The following PHACTR2 variants were observed in gnomAD, a reference collection of about 807,000 sequenced individuals.
The protein encoded by PHACTR2 is chromosome 6 open reading frame 56.
Under a neutral mutation model 76.0 loss-of-function variants are expected in PHACTR2, and 30 were observed. The observed-to-expected ratio is 0.39, with a 90% confidence interval of 0.30 to 0.54. The LOEUF is 0.54. Among genes scored for constraint, PHACTR2 ranks in the 20% least tolerant of loss-of-function variants. The probability of loss-of-function intolerance (pLI) is 0.61; values close to 1 mark genes in which losing one functional copy is unlikely to be tolerated. For missense variants in PHACTR2, 696 were observed against 781.1 expected (o/e 0.89, Z 1.30); for synonymous variants, 292 against 292.5 (o/e 1.00, Z 0.02).
rs1018489349 is a variant in PHACTR2, at chr6:143,684,379, T to C, written c.46+6170T>C. 7.2e-5 allele frequency among the ~76,000 whole-genome samples: 11 copies of C among 152,150 alleles called. No homozygotes were observed. Among genetic ancestry groups the C allele is most frequent in the African/African-American group, 2.7e-4 (11 of 41,418 alleles). ...GTTTTCCTTTCCCCCTCCACATGGA[T>C]CCATCAGCAGGTCTTGTTCTTTTTT... On this transcript the variant is annotated intron_variant, in intron 1 of 12. Transcript: ENST00000440869. This position sits in a 1 kb window ranked among gnomAD's most constrained non-coding sequence, Gnocchi z 4.3.
intron 1 of PHACTR2, among the ~76,000 whole-genome samples, chr6:143,632,021 C>A (rs562478820): frequency 6.6e-6 from 1 of 152,278 alleles, no homozygotes; most frequent in East Asian, 1.9e-4. Flanking sequence ...TGTTATGGAT[C>A]AGCCCTTGGA....
chr6:143,631,381 A>T (rs572483064), intron 1 of PHACTR2, among the ~76,000 whole-genome samples: 14 of 151,930 alleles, frequency 9.2e-5, no homozygotes, highest in Non-Finnish European at 2.1e-4. Context: ...TTTTTTAGAG[A>T]TAGGGTCTCA....
intron 1 of PHACTR2, among the ~76,000 whole-genome samples, chr6:143,564,214 T>TAC (rs1399879002): frequency 8.9e-6 from 1 of 112,356 alleles, no homozygotes; most frequent in Non-Finnish European, 1.9e-5. Flanking sequence ...TATATATATA[T>TAC]ATATATATAT....
In PHACTR2 at chr6:143,639,644, C is replaced by T. The variant is rs973405288; in HGVS notation, c.13+31322C>T. Among the ~76,000 whole-genome samples the T allele has an allele frequency of 6.6e-6, 1 of 151,916 alleles. No homozygotes were observed. Among genetic ancestry groups the T allele is most frequent in the Admixed American group, 6.6e-5 (1 of 15,240 alleles). On this transcript the variant is annotated intron_variant, in intron 1 of 11. Coordinates refer to the PHACTR2 transcript ENST00000305766. This position sits in a 1 kb window ranked among gnomAD's most constrained non-coding sequence, Gnocchi z 5.0. The stretch of plus-strand genomic sequence containing the variant: ...TCCCTTTGATGATGGATTAGCATAC[C>T]CCATCATGAGTAAGGATAGCGATGG...
chr6:143,682,284 G>T (rs1777408327), intron 1 of PHACTR2, among the ~76,000 whole-genome samples: 1 of 152,074 alleles, frequency 6.6e-6, no homozygotes, highest in South Asian at 2.1e-4. Context: ...TGCGATCATG[G>T]CTTATCCACT....
Position 143,548,888 on chromosome 6 carries a change from T to C in PHACTR2, c.217+11681T>C, listed in dbSNP as rs1775045908. Among the ~76,000 whole-genome samples the C allele has an allele frequency of 6.6e-6, 1 of 151,324 alleles. No individual in the cohort carries two copies. The highest frequency in any genetic ancestry group is 2.4e-5 in the African/African-American group (1 of 41,146). On this transcript the variant is annotated intron_variant, in intron 1 of 11. Coordinates refer to the PHACTR2 transcript ENST00000367584. The surrounding 1 kb of genome is among the most constrained non-coding windows in gnomAD (Gnocchi z 4.5). ...TCATTGCACCATAGGTGTTTTAGAG[T>C]TGTGGGGGAAACAAGCAAGAATGAG...
chr6:143,768,075 A>G (rs1774987743), intron 6 of PHACTR2, among the ~76,000 whole-genome samples: 1 of 152,132 alleles, frequency 6.6e-6, no homozygotes, highest in South Asian at 2.1e-4. Flanking sequence ...TGACCTTGTG[A>G]TCCGCCTGCC....
intron 1 of PHACTR2, among the ~76,000 whole-genome samples, chr6:143,630,538 T>C (rs1409821139): frequency 6.6e-6 from 1 of 152,204 alleles, no homozygotes; most frequent in African/African-American, 2.4e-5. Context: ...TAATCCTTCA[T>C]AGGGTCGTTG....
chr6:143,634,011 G>C (rs1184276631), intron 1 of PHACTR2, among the ~76,000 whole-genome samples: 1 of 152,112 alleles, frequency 6.6e-6, no homozygotes, highest in Non-Finnish European at 1.5e-5. Context: ...CAAAATACTA[G>C]TCAGTGCAGG....
rs1480238589 is a variant in PHACTR2, at chr6:143,739,011, T to G, written c.215-9974T>G. Among the ~76,000 whole-genome samples the G allele has an allele frequency of 6.6e-6, 1 of 152,206 alleles. No homozygotes were observed. Among genetic ancestry groups the G allele is most frequent in the Non-Finnish European group, 1.5e-5 (1 of 68,042 alleles). On this transcript the variant is annotated intron_variant, in intron 2 of 12. Transcript: ENST00000440869. The surrounding 1 kb of genome is among the most constrained non-coding windows in gnomAD (Gnocchi z 4.3). Reference sequence around the variant, plus strand: ...CCAATGGCTATTGTTTATGATCTCTTAGTTTGAAAAGCTTCATTACCATTT... The same window carrying G: ...CCAATGGCTATTGTTTATGATCTCTGAGTTTGAAAAGCTTCATTACCATTT...
rs940078179 is a variant in PHACTR2 at position 143,627,633 on chromosome 6, G to A, written c.13+19311G>A. On this transcript the variant is annotated intron_variant, in intron 1 of 11. Coordinates refer to the PHACTR2 transcript ENST00000305766. This position sits in a 1 kb window ranked among gnomAD's most constrained non-coding sequence, Gnocchi z 4.3. ...TTTTTTTTTTTTGAGAAGAAGTCTC[G>A]CTCTGTCACCCAGGCTGGAATGCAG... is the stretch of plus-strand genomic sequence containing the variant. Among the ~76,000 whole-genome samples, 3 of 141,404 alleles carry A rather than the reference G, an allele frequency of 2.1e-5. No homozygotes were observed. Among genetic ancestry groups the A allele is most frequent in the Admixed American group, 1.5e-4 (2 of 13,640 alleles). The allele number at this position is 141,404 out of a possible 152,430, so 92.8% of individuals were successfully genotyped here. A position where few individuals can be genotyped will look rare whatever the true frequency, so the allele number is the denominator to read the frequency against.
chr6:143,685,625 A>T (rs1283022734), intron 1 of PHACTR2, among the ~76,000 whole-genome samples: 1 of 151,426 alleles, frequency 6.6e-6, no homozygotes, highest in African/African-American at 2.4e-5. Context: ...TGCCTATGTT[A>T]CCTGACCAAA....
At position 143,608,600 on chromosome 6, in the gene PHACTR2, G is replaced by T. The variant is rs1462887579; in HGVS notation, c.13+278G>T. ...CAAGTGTGGTGTTTGATTCTTTTGT[G>T]CTCAGAGCGATGGGTGGAAAATGCA... is the stretch of plus-strand genomic sequence containing the variant. On this transcript the variant is annotated intron_variant, in intron 1 of 11. Coordinates refer to the PHACTR2 transcript ENST00000305766. This position sits in a 1 kb window ranked among gnomAD's most constrained non-coding sequence, Gnocchi z 4.6. Among the ~76,000 whole-genome samples the T allele has an allele frequency of 6.6e-6, 1 of 152,138 alleles. No homozygotes were observed. Among genetic ancestry groups the T allele is most frequent in the East Asian group, 1.9e-4 (1 of 5,202 alleles).
rs1168386709 is a variant in PHACTR2, at chr6:143,537,483, C to T, written c.217+276C>T. Among the ~76,000 whole-genome samples, 1 of 152,146 alleles carries T rather than the reference C, an allele frequency of 6.6e-6. No individual in the cohort carries two copies. The highest frequency in any genetic ancestry group is 2.4e-5 in the African/African-American group (1 of 41,442). ...GCAGCCTGGGTTGGGGTAGGGAGCGCTCCCTCTCGGCTGCACGGCGCCAGG... is the reference window on the plus strand; with the variant it reads ...GCAGCCTGGGTTGGGGTAGGGAGCGTTCCCTCTCGGCTGCACGGCGCCAGG... On this transcript the variant is annotated intron_variant, in intron 1 of 11. Coordinates refer to the PHACTR2 transcript ENST00000367584. The surrounding 1 kb of genome is among the most constrained non-coding windows in gnomAD (Gnocchi z 4.4).
chr6:143,575,308 T>C (rs1775493341), intron 1 of PHACTR2, among the ~76,000 whole-genome samples: 1 of 152,236 alleles, frequency 6.6e-6, no homozygotes, highest in Admixed American at 6.5e-5. Flanking sequence ...TATTCCTATC[T>C]TTAGGTTTTA....
intron 2 of PHACTR2, among the ~76,000 whole-genome samples, chr6:143,732,913 AG>A (rs34742083): frequency 2.6e-5 from 4 of 152,062 alleles, no homozygotes; most frequent in Non-Finnish European, 4.4e-5. Context: ...TATTTGAGAC[AG>A]GGTCTTGCTC....
chr6:143,613,437 G>A (rs1776012078), intron 1 of PHACTR2, among the ~76,000 whole-genome samples: 2 of 152,196 alleles, frequency 1.3e-5, no homozygotes, highest in African/African-American at 4.8e-5. Context: ...TACTGTGAAA[G>A]TGGGACTAAA....
rs1391664304 is a variant in PHACTR2 at position 143,822,131 on chromosome 6, GC to G, written c.1923-1541del. On this transcript the variant is annotated intron_variant, in intron 12 of 12. Coordinates refer to ENST00000440869, the MANE Select transcript of PHACTR2 (RefSeq NM_001100164.2). The surrounding 1 kb of genome is among the most constrained non-coding windows in gnomAD (Gnocchi z 5.5). Reference sequence around the variant, plus strand: ...AGATATAGCTAGAACCATGAGTTGGGCCACTTTCTGAAAAGCCTTACTTGCT... The same window carrying G: ...AGATATAGCTAGAACCATGAGTTGGGCACTTTCTGAAAAGCCTTACTTGCT... Among the ~76,000 whole-genome samples the G allele has an allele frequency of 1.3e-5, 2 of 152,180 alleles. No homozygotes were observed. The highest frequency in any genetic ancestry group is 4.8e-5 in the African/African-American group (2 of 41,440).
rs368081805 is a variant in PHACTR2 at position 143,774,168 on chromosome 6, A to G, written c.1542A>G (p.Glu514=). 3.3e-5 allele frequency: 54 copies of G among 1,614,030 alleles called. No homozygotes were observed. The highest frequency in any genetic ancestry group is 3.3e-4 in the Middle Eastern group (2 of 6,082). ...AAAACATCTTGCAGCGTACATCTGA[A>G]GAAGAGAGGCAGGAAATCCGACAAC... The part of the protein sequence containing the change: ...EDKNILQRTS[E]EERQEIRQQI... Residue 514 remains glutamate, a synonymous_variant, in exon 8 of 13, where the codon GAA becomes GAG. Transcript: ENST00000440869. The surrounding 1 kb of genome is among the most constrained non-coding windows in gnomAD (Gnocchi z 5.4).
Sources: gnomAD v4.1 joint callset for allele counts (sites outside exome capture counted in the v4.1 genomes callset) on GRCh38, gnomAD v4.1.1 for gene constraint, Gnocchi (gnomAD v3.1) non-coding constraint, MANE v1.5 for transcripts, NCBI Gene and HGNC (gene_info 2026-07-23, HGNC 2026-07-21) for gene names.